The following DOCK2 variants were observed in gnomAD, a reference collection of about 807,000 sequenced individuals.
DOCK2 encodes the protein dedicator of cytokinesis protein 2.
A neutral mutation model predicts 248.9 loss-of-function variants in DOCK2; 87 were observed. The ratio of observed to expected loss-of-function variants is 0.35; its 90% confidence interval spans 0.29 to 0.42. The LOEUF (loss-of-function observed/expected upper bound fraction) is 0.42. Among genes scored for constraint, DOCK2 ranks in the 10% least tolerant of loss-of-function variants. The pLI, the probability that DOCK2 is intolerant of heterozygous loss-of-function variation, is 1.00. For missense variants in DOCK2, 1,747 were observed against 2,300.2 expected (o/e 0.76, Z 4.92); for synonymous variants, 805 against 821.6 (o/e 0.98, Z 0.35).
At chr5:169,744,287 T>A (rs1205076674) in intron 22 of DOCK2, among the ~76,000 whole-genome samples, 2 of 152,248 alleles carry the variant, frequency 1.3e-5, no homozygotes, top group African/African-American at 4.8e-5. Flanking sequence ...AAATTTAAAG[T>A]TGAGCAGAGC....
chr5:169,953,165 T>C (rs1251590176), intron 27 of DOCK2, among the ~76,000 whole-genome samples: 1 of 151,890 alleles, frequency 6.6e-6, no homozygotes, highest in Non-Finnish European at 1.5e-5. Flanking sequence ...CTACTAAAAA[T>C]ACAAAAAATT....
At chr5:169,739,085 A>C (rs1763183411) in intron 22 of DOCK2, among the ~76,000 whole-genome samples, 1 of 152,218 alleles carries the variant, frequency 6.6e-6, no homozygotes, top group Admixed American at 6.5e-5. Flanking sequence ...AGAAGAAATC[A>C]CTTAACTACA....
In DOCK2 at chr5:169,718,664, A is replaced by T; in HGVS notation, c.2140A>T (p.Met714Leu). 6.2e-7 allele frequency: 1 copy of T among 1,611,726 alleles called. No homozygotes were observed. The highest frequency in any genetic ancestry group is 1.1e-5 in the South Asian group (1 of 90,620). Residue 714 changes from methionine to leucine, a missense_variant, in exon 22 of 52, where the codon ATG becomes TTG. By Grantham distance (15) the Met-to-Leu change is conservative. Coordinates refer to ENST00000520908, the MANE Select transcript of DOCK2 (RefSeq NM_004946.3). ...ATATTATCCCTTATTCAGGAAATTG[A>T]TGACAGTGCTGAAGACTTACTTGGA... is the stretch of plus-strand genomic sequence containing the variant. ...FSATLAYKKL[M>L]TVLKTYLDTS...
At chr5:169,643,516 C>T (rs968092067) in intron 1 of DOCK2, among the ~76,000 whole-genome samples, 3 of 152,214 alleles carry the variant, frequency 2.0e-5, no homozygotes, top group African/African-American at 4.8e-5. Flanking sequence ...AGATCCCTCG[C>T]GTGTGCAGGT....
At chr5:169,855,341 C>T (rs1770829620) in intron 27 of DOCK2, among the ~76,000 whole-genome samples, 3 of 152,074 alleles carry the variant, frequency 2.0e-5, no homozygotes, top group Admixed American at 2.0e-4. Flanking sequence ...AATAGTGTCC[C>T]TGGTAGGGAA....
At chr5:170,067,417 A>T in intron 44 of DOCK2, 93 bp from the exon 45 acceptor site, 1 of 1,355,160 alleles carries the variant, frequency 7.4e-7, no homozygotes, top group South Asian at 1.4e-5. Context: ...CCTCATTTGA[A>T]TTCCCACCCC....
At chr5:169,725,470 G>A (rs1762418556) in intron 22 of DOCK2, among the ~76,000 whole-genome samples, 1 of 151,072 alleles carries the variant, frequency 6.6e-6, no homozygotes, top group Admixed American at 6.6e-5. Flanking sequence ...ATATGCATGA[G>A]CTGTTTTTTC....
At chr5:169,789,414 A>T (rs1201319707) in intron 25 of DOCK2, among the ~76,000 whole-genome samples, 1 of 152,206 alleles carries the variant, frequency 6.6e-6, no homozygotes, top group East Asian at 1.9e-4. Context: ...GTGAAATGTA[A>T]TATGTTTCAT....
chr5:169,957,797 T>C (rs1488234987), intron 27 of DOCK2, among the ~76,000 whole-genome samples: 3 of 152,226 alleles, frequency 2.0e-5, no homozygotes, highest in Non-Finnish European at 2.9e-5. Flanking sequence ...TAGAGCTCCA[T>C]GTACTGCTAC....
intron 26 of DOCK2, among the ~76,000 whole-genome samples, chr5:169,822,587 C>T (rs1768533660): frequency 6.6e-6 from 1 of 152,044 alleles, no homozygotes; most frequent in South Asian, 2.1e-4. Flanking sequence ...AAAGACACAA[C>T]ACGCCAGAAT....
At chr5:170,001,213 G>A (rs1158871391) in intron 30 of DOCK2, among the ~76,000 whole-genome samples, 1 of 152,136 alleles carries the variant, frequency 6.6e-6, no homozygotes, top group Non-Finnish European at 1.5e-5. Context: ...TGCAGAGGAG[G>A]GCAGGCTGAC....
chr5:169,999,963 A>G (rs1754777095), intron 30 of DOCK2: 2 of 152,220 alleles, frequency 1.3e-5, no homozygotes, highest in South Asian at 4.1e-4. Context: ...GCCACTCTGT[A>G]GGTGACAAGA....
At chr5:169,949,097 T>C (rs1390175872) in intron 27 of DOCK2, among the ~76,000 whole-genome samples, 1 of 152,204 alleles carries the variant, frequency 6.6e-6, no homozygotes, top group African/African-American at 2.4e-5. Flanking sequence ...TGGATAAAAG[T>C]GTATAGCCCT....
chr5:169,672,114 A>C (rs1581009485), intron 5 of DOCK2, among the ~76,000 whole-genome samples: 1 of 151,714 alleles, frequency 6.6e-6, no homozygotes, highest in Non-Finnish European at 1.5e-5. Flanking sequence ...TCAAGTGATT[A>C]TCCTGCCTTG....
At chr5:169,840,956 G>C (rs1166952759) in intron 27 of DOCK2, 104 bp downstream of exon 27, 3 of 1,299,162 alleles carry the variant, frequency 2.3e-6, no homozygotes, top group Admixed American at 2.0e-5. Flanking sequence ...ATTGATCATT[G>C]CTTTGTTTTG....
rs545930841 is a variant in DOCK2, at chr5:169,821,488, T to C, written c.2703+18282T>C. Among the ~76,000 whole-genome samples the C allele has an allele frequency of 2.0e-5, 3 of 152,194 alleles. No individual in the cohort carries two copies. In the South Asian group the frequency reaches 6.2e-4, roughly 32 times the overall value. On this transcript the variant is annotated intron_variant, in intron 26 of 51. Coordinates refer to ENST00000520908, the MANE Select transcript of DOCK2 (RefSeq NM_004946.3). Reference sequence around the variant, plus strand: ...ATTCAACATTCTTAAAGAAAAGAATTTTCAACCCAGAATTTCATATCCAGC... The same window carrying C: ...ATTCAACATTCTTAAAGAAAAGAATCTTCAACCCAGAATTTCATATCCAGC...
chr5:169,703,703 A>G (rs1489700140), intron 14 of DOCK2, among the ~76,000 whole-genome samples: 2 of 152,240 alleles, frequency 1.3e-5, no homozygotes, highest in Non-Finnish European at 2.9e-5. Context: ...TAAGCATTGA[A>G]CGCATCCTCC....
intron 26 of DOCK2, among the ~76,000 whole-genome samples, chr5:169,814,405 G>A (rs1043908920): frequency 3.3e-5 from 5 of 152,166 alleles, no homozygotes; most frequent in Admixed American, 3.3e-4. Flanking sequence ...ATGAAAGACT[G>A]TGGCACTCTC....
intron 26 of DOCK2, among the ~76,000 whole-genome samples, chr5:169,833,864 G>A (rs1297636380): frequency 1.3e-5 from 2 of 152,218 alleles, no homozygotes; most frequent in African/African-American, 4.8e-5. Context: ...AGAAAGACTT[G>A]CATATATTGA....
Sources: allele counts gnomAD v4.1 joint callset (sites outside exome capture counted in the v4.1 genomes callset), GRCh38; gene constraint gnomAD v4.1.1; transcripts MANE v1.5; gene names NCBI Gene and HGNC (gene_info 2026-07-23, HGNC 2026-07-21).